Variants in DHDDS observed in about 807,000 individuals in gnomAD.
DHDDS encodes dehydrodolichyl diphosphate synthase subunit, also known as dehydrodolichyl diphosphate synthase complex subunit DHDDS.
DHDDS carries 16 observed loss-of-function variants against 46.2 expected under a neutral mutation model. That is an observed-to-expected ratio of 0.35 (90% CI 0.23 to 0.53). DHDDS has a LOEUF of 0.53. DHDDS is among the 20% of genes least tolerant of loss of function. The pLI is 0.94. For missense variants in DHDDS, 340 were observed against 423.7 expected (o/e 0.80, Z 1.73); for synonymous variants, 151 against 163.1 (o/e 0.93, Z 0.56).
intron 8 of DHDDS, chr1:26,467,205 A>ATGG (rs2075499557): frequency 2.5e-6 from 1 of 407,256 alleles, no homozygotes; most frequent in Admixed American, 2.8e-5. Flanking sequence ...CTCTGTGTGC[A>ATGG]TGGCTGTACA....
At chr1:26,449,254 G>T (rs1221437755) in intron 6 of DHDDS, among the ~76,000 whole-genome samples, 1 of 150,034 alleles carries the variant, frequency 6.7e-6, no homozygotes, top group East Asian at 2.0e-4. Context: ...GCCCACCACC[G>T]TGCCCAGCTA....
chr1:26,459,676 T>C (rs1161395891), intron 7 of DHDDS, among the ~76,000 whole-genome samples: 2 of 152,228 alleles, frequency 1.3e-5, no homozygotes, highest in Non-Finnish European at 2.9e-5. Context: ...ATTGGTGACC[T>C]TTATCAGACA....
chr1:26,445,453 C>T (rs2075259460), intron 4 of DHDDS, among the ~76,000 whole-genome samples: 1 of 152,208 alleles, frequency 6.6e-6, no homozygotes, highest in African/African-American at 2.4e-5. Flanking sequence ...TGGCTCACAC[C>T]TGTAATCCTA....
At position 26,469,218 on chromosome 1, in the gene DHDDS, T is replaced by G. The variant is rs2075527502; in HGVS notation, c.*87T>G. 2.5e-6 allele frequency: 4 copies of G among 1,601,200 alleles called. No individual in the cohort carries two copies. In the Admixed American group the frequency reaches 6.7e-5, roughly 27 times the overall value. ...TTTTCTTGGTGAAAGGCACCTCCTT[T>G]CCTGATAATGAATGGTGTTCCCTTT... is the stretch of plus-strand genomic sequence containing the variant. On this transcript the variant is annotated 3_prime_UTR_variant, in exon 9 of 9. Transcript: ENST00000236342.
At chr1:26,443,036 C>A in intron 4 of DHDDS, 163 bp downstream of exon 4, 5 of 1,208,668 alleles carry the variant, frequency 4.1e-6, no homozygotes, top group Non-Finnish European at 5.5e-6. Flanking sequence ...GATAGTCTTT[C>A]ATTCTTTATT....
At chr1:26,444,381 G>A (rs1481499308) in intron 4 of DHDDS, among the ~76,000 whole-genome samples, 1 of 152,104 alleles carries the variant, frequency 6.6e-6, no homozygotes, top group African/African-American at 2.4e-5. Context: ...GGGTTCTTTG[G>A]CTAAAAGAAG....
chr1:26,460,254 A>G, intron 8 of DHDDS, 110 bp downstream of exon 8: 1 of 888,674 alleles, frequency 1.1e-6, no homozygotes, highest in Admixed American at 1.8e-5. Context: ...GATGATGATA[A>G]TGATGATAGT....
chr1:26,449,934 A>G (rs1376575851), intron 6 of DHDDS, among the ~76,000 whole-genome samples: 2 of 152,196 alleles, frequency 1.3e-5, no homozygotes, highest in African/African-American at 4.8e-5. Context: ...TCCAGTTGAA[A>G]AGGGTCAGCA....
At chr1:26,438,383 T>TTTGTATCTGTCTCTGTGTTTTA in intron 3 of DHDDS, 99 bp downstream of exon 3, 1 of 1,061,650 alleles carries the variant, frequency 9.4e-7, no homozygotes, top group Non-Finnish European at 1.5e-6. Context: ...GAGAGTGTTT[T>TTTGTATCTGTCTCTGTGTTTTA]TTGTATCTGT....
At chr1:26,441,639 T>TA (rs1482084039) in intron 3 of DHDDS, among the ~76,000 whole-genome samples, 1 of 152,108 alleles carries the variant, frequency 6.6e-6, no homozygotes, top group Non-Finnish European at 1.5e-5. Flanking sequence ...CTCATGCCTG[T>TA]AATCCCAGCA....
At chr1:26,449,437 A>G (rs574410934) in intron 6 of DHDDS, among the ~76,000 whole-genome samples, 3 of 151,518 alleles carry the variant, frequency 2.0e-5, no homozygotes, top group African/African-American at 4.8e-5. Flanking sequence ...GACTCACTCT[A>G]TCGCCCAGGC....
At chr1:26,435,016 A>ATT (rs751446182) in intron 2 of DHDDS, among the ~76,000 whole-genome samples, 1 of 140,566 alleles carries the variant, frequency 7.1e-6, no homozygotes, top group South Asian at 2.3e-4. Context: ...TTGAAAAACA[A>ATT]TTTTTTTTTT....
intron 8 of DHDDS, among the ~76,000 whole-genome samples, chr1:26,463,992 CTTTTT>C (rs60149042): frequency 1.1e-5 from 1 of 93,768 alleles, no homozygotes; most frequent in Admixed American, 1.3e-4. Context: ...TATTTGCAAA[CTTTTT>C]TTTTTTTTTT....
At chr1:26,439,941 C>A (rs929601280) in intron 3 of DHDDS, among the ~76,000 whole-genome samples, 1 of 151,472 alleles carries the variant, frequency 6.6e-6, no homozygotes, top group South Asian at 2.1e-4. Context: ...GAGATCAAGA[C>A]CATCGTGGCT....
At chr1:26,466,141 C>T (rs1389127679) in intron 8 of DHDDS, 1 of 152,190 alleles carries the variant, frequency 6.6e-6, no homozygotes, top group Non-Finnish European at 1.5e-5. Context: ...GGAGCCCTTG[C>T]ACCAAGATTG....
chr1:26,434,069 CTT>C (rs1168583760), intron 2 of DHDDS, among the ~76,000 whole-genome samples: 1 of 152,132 alleles, frequency 6.6e-6, no homozygotes, highest in Non-Finnish European at 1.5e-5. Context: ...AATCATGTGA[CTT>C]TAACAACTGT....
At chr1:26,454,689 T>C in intron 6 of DHDDS, 1 of 1,575,382 alleles carries the variant, frequency 6.3e-7, no homozygotes. Context: ...ATCATTTTCT[T>C]CTGGGCAACC....
At chr1:26,453,392 T>G (rs1251869951) in intron 6 of DHDDS, among the ~76,000 whole-genome samples, 1 of 152,214 alleles carries the variant, frequency 6.6e-6, no homozygotes, top group African/African-American at 2.4e-5. Context: ...TGCCTGCATT[T>G]TTTATTGTTT....
chr1:26,460,151 A>C lies in DHDDS; in HGVS notation c.765+7A>C. 1 of 1,608,678 alleles carries C rather than the reference A, an allele frequency of 6.2e-7. No homozygotes were observed. The highest frequency in any genetic ancestry group is 8.5e-7 in the Non-Finnish European group (1 of 1,175,190). ...GAACCATAGCGTGCTTCAGGTAAGA[A>C]AGAGTTCAGGGCTGGCCAGATGGGA... On this transcript the variant is annotated splice_region_variant and intron_variant, in intron 8 of 8. Transcript: ENST00000236342.
Sources: gnomAD v4.1 joint callset for allele counts (sites outside exome capture counted in the v4.1 genomes callset) on GRCh38, gnomAD v4.1.1 for gene constraint, MANE v1.5 for transcripts, NCBI Gene and HGNC (gene_info 2026-07-23, HGNC 2026-07-21) for gene names.